DDOST: variants seen among roughly 807,000 people sequenced by gnomAD.
DDOST encodes the protein dolichyl-diphosphooligosaccharide--protein glycosyltransferase non-catalytic subunit, also known as dolichyl-diphosphooligosaccharide--protein glycosyltransferase 48 kDa subunit.
A neutral mutation model predicts 47.6 loss-of-function variants in DDOST; 25 were observed. The ratio of observed to expected loss-of-function variants is 0.53; its 90% CI spans 0.38 to 0.73. The LOEUF (loss-of-function observed/expected upper bound fraction) is 0.73. DDOST is among the 30% of genes least tolerant of loss of function. DDOST has a pLI of 0.00. For missense variants in DDOST, 526 were observed against 573.9 expected (o/e 0.92, Z 0.85); for synonymous variants, 275 against 236.0 (o/e 1.17, Z -1.51).
chr1:20,652,316 AC>A lies in DDOST; in HGVS notation c.*62del, dbSNP rs2053300869. 1 of 1,459,534 alleles carries A rather than the reference AC, an allele frequency of 6.9e-7. No individual in the cohort carries two copies. The highest frequency in any genetic ancestry group is 1.4e-5 in the African/African-American group (1 of 70,380). 90.4% of individuals were successfully genotyped at this position (1,459,534 alleles called of 1,614,324 possible). A position where few individuals can be genotyped will look rare whatever the true frequency, so the allele number is the denominator to read the frequency against. On this transcript the variant is annotated 3_prime_UTR_variant, in exon 11 of 11. Coordinates refer to ENST00000602624, the MANE Select transcript of DDOST (RefSeq NM_005216.5). ...GCTTTAAACAAAGCAAAACAAAACC[AC>A]CAATCCTAATAACCCCCCTCCTTGC...
chr1:20,657,745 C>G (rs1439331173), intron 2 of DDOST, among the ~76,000 whole-genome samples: 1 of 152,196 alleles, frequency 6.6e-6, no homozygotes, highest in Non-Finnish European at 1.5e-5. Context: ...CCTTACCTGA[C>G]TGACTTTCAG....
intron 1 of DDOST, 85 bp from the exon 2 acceptor site, chr1:20,661,076 C>T (rs1180506941): frequency 1.9e-5 from 28 of 1,474,436 alleles, no homozygotes; most frequent in Non-Finnish European, 2.4e-5. Flanking sequence ...GCACGCCAAG[C>T]GGCAGGCCAG....
At chr1:20,653,286 C>T (rs542865609) in intron 8 of DDOST, among the ~76,000 whole-genome samples, 2 of 152,352 alleles carry the variant, frequency 1.3e-5, no homozygotes, top group African/African-American at 4.8e-5. Flanking sequence ...TTCAAGTATT[C>T]ATGCTTCCAT....
chr1:20,655,371 T>G, intron 5 of DDOST, 69 bp downstream of exon 5: 1 of 1,280,798 alleles, frequency 7.8e-7, no homozygotes, highest in South Asian at 1.3e-5. Flanking sequence ...TGCCTTGATT[T>G]CCCAAAAAAA....
chr1:20,658,251 A>G (rs2053396785), intron 2 of DDOST, among the ~76,000 whole-genome samples: 1 of 152,260 alleles, frequency 6.6e-6, no homozygotes, highest in South Asian at 2.1e-4. Flanking sequence ...CATGATTGCC[A>G]GTGACCTGGG....
chr1:20,660,665 C>T, intron 2 of DDOST: 1 of 470,652 alleles, frequency 2.1e-6, no homozygotes, highest in Non-Finnish European at 3.8e-6. Context: ...CGGTCTGCAG[C>T]AACACTTGAC....
chr1:20,658,216 T>C (rs1273614052), intron 2 of DDOST, among the ~76,000 whole-genome samples: 2 of 152,240 alleles, frequency 1.3e-5, no homozygotes, highest in Non-Finnish European at 2.9e-5. Flanking sequence ...ATAGAGGATG[T>C]GCTGAAAATT....
chr1:20,652,316 A>G lies in DDOST; in HGVS notation c.*63T>C. ...GCTTTAAACAAAGCAAAACAAAACC[A>G]CCAATCCTAATAACCCCCCTCCTTG... On this transcript the variant is annotated 3_prime_UTR_variant, in exon 11 of 11. Transcript: ENST00000602624. The G allele has an allele frequency of 2.1e-6, 3 of 1,459,534 alleles. No individual in the cohort carries two copies. Among genetic ancestry groups the G allele is most frequent in the Non-Finnish European group, 2.7e-6 (3 of 1,102,116 alleles). 90.4% of individuals were successfully genotyped at this position (1,459,534 alleles called of 1,614,324 possible). A position where few individuals can be genotyped will look rare whatever the true frequency, so the allele number is the denominator to read the frequency against.
rs1395138959 is a variant in DDOST, at chr1:20,652,511, G to A, written c.1188C>T (p.Leu396=). 2.5e-6 allele frequency: 4 copies of A among 1,614,006 alleles called. No homozygotes were observed. In the South Asian group the frequency reaches 4.4e-5, roughly 18 times the overall value. ...YSSTQVSVRP[L]QHTQYERFIP... is the part of the protein sequence containing the mutation. ...TGAAGCGCTCATACTGCGTGTGCTGGAGTGGCCGCACGGATACCTGCAGGA... is the reference window on the plus strand; with the variant it reads ...TGAAGCGCTCATACTGCGTGTGCTGAAGTGGCCGCACGGATACCTGCAGGA... Residue 396 remains leucine, a synonymous_variant, in exon 11 of 11, where the codon CTC becomes CTT. Transcript: ENST00000602624.
intron 2 of DDOST, among the ~76,000 whole-genome samples, chr1:20,660,187 T>C (rs570910420): frequency 2.6e-4 from 40 of 152,348 alleles, no homozygotes; most frequent in Non-Finnish European, 4.4e-4. Context: ...AGATAAGCAT[T>C]CTATCTATTC....
chr1:20,658,661 C>G (rs2053402136), intron 2 of DDOST, among the ~76,000 whole-genome samples: 1 of 152,202 alleles, frequency 6.6e-6, no homozygotes, highest in South Asian at 2.1e-4. Context: ...TCTCCTTTTT[C>G]AAGAGGGAAC....
intron 8 of DDOST, 112 bp downstream of exon 8, chr1:20,653,512 TTCA>T: frequency 9.0e-7 from 1 of 1,114,248 alleles, no homozygotes; most frequent in Non-Finnish European, 1.3e-6. Flanking sequence ...GATTAACTTA[TTCA>T]TCTTTATTTA....
chr1:20,658,366 G>A (rs1029079117), intron 2 of DDOST, among the ~76,000 whole-genome samples: 2 of 152,212 alleles, frequency 1.3e-5, no homozygotes, highest in South Asian at 2.1e-4. Context: ...GTCATGGGAC[G>A]AGGGCAGGGC....
chr1:20,653,977 A>G (rs2053332188), intron 7 of DDOST, among the ~76,000 whole-genome samples: 1 of 152,226 alleles, frequency 6.6e-6, no homozygotes, highest in South Asian at 2.1e-4. Flanking sequence ...TGCACAACAA[A>G]TACACAAATT....
intron 5 of DDOST, 51 bp downstream of exon 5, chr1:20,655,389 A>AC: frequency 7.1e-7 from 1 of 1,402,312 alleles, no homozygotes; most frequent in African/African-American, 1.4e-5. Flanking sequence ...AAATTAAGTG[A>AC]CCCCTTCTTC....
In DDOST at chr1:20,661,261, G is replaced by C. The variant is rs1267829500; in HGVS notation, c.90C>G (p.Thr30=). 3.7e-6 allele frequency: 6 copies of C among 1,614,062 alleles called. No homozygotes were observed. In the South Asian group the frequency reaches 4.4e-5, roughly 12 times the overall value. Residue 30 remains threonine (T), a synonymous_variant, in exon 1 of 11, where the codon ACC becomes ACG. Transcript: ENST00000602624. The stretch of plus-strand genomic sequence containing the variant: ...CGTTGAGGTTGTCCAGCAGCACTAA[G>C]GTGCGGGGTCCGCTGGCGCAAACCG... ...LGAVCASGPR[T]LVLLDNLNVR...
intron 6 of DDOST, 57 bp from the exon 7 acceptor site, chr1:20,654,428 C>T (rs762140207): frequency 1.1e-5 from 17 of 1,541,424 alleles, no homozygotes; most frequent in Middle Eastern, 1.7e-4. Flanking sequence ...AAAGCTGCCA[C>T]GCCTCCCGAA....
rs370790945 is a variant in DDOST at position 20,654,676 on chromosome 1, G to C, written c.583C>G (p.Leu195Val). 5.1e-6 allele frequency: 8 copies of C among 1,561,732 alleles called. No homozygotes were observed. In the African/African-American group the frequency reaches 9.5e-5, roughly 19 times the overall value. Reference protein sequence around the residue: ...MVADPDNPLVLDILTGSSTSY... With the variant: ...MVADPDNPLVVDILTGSSTSY... Reference sequence around the variant, plus strand: ...GTGGAAGAGCCCGTCAGGATGTCCAGCACCAAAGGGTTATCAGGATCGGCC... The same window carrying C: ...GTGGAAGAGCCCGTCAGGATGTCCACCACCAAAGGGTTATCAGGATCGGCC... Residue 195 changes from leucine (L) to valine (V), a missense_variant, in exon 6 of 11, where the codon CTG becomes GTG. Transcript: ENST00000602624.
chr1:20,654,413 A>C, intron 6 of DDOST, 42 bp from the exon 7 acceptor site: 1 of 1,542,296 alleles, frequency 6.5e-7, no homozygotes. Flanking sequence ...GTTCCAAGTA[A>C]GGGAAAAGCT....
Sources: allele counts gnomAD v4.1 joint callset (sites outside exome capture counted in the v4.1 genomes callset), GRCh38; gene constraint gnomAD v4.1.1; transcripts MANE v1.5; gene names NCBI Gene and HGNC (gene_info 2026-07-23, HGNC 2026-07-21).